ROBO1: variants seen among roughly 807,000 people sequenced by gnomAD.
ROBO1 encodes the protein roundabout guidance receptor 1.
Under a neutral mutation model 195.9 loss-of-function variants are expected in ROBO1, and 149 were observed. The observed-to-expected ratio is 0.76, with a 90% CI of 0.67 to 0.87. ROBO1 has a LOEUF of 0.87. Ranked by LOEUF, ROBO1 falls within the 40% of genes least tolerant of loss-of-function variation. The pLI is 0.00. For missense variants in ROBO1, 1,933 were observed against 2,068.3 expected (o/e 0.93, Z 1.27); for synonymous variants, 816 against 733.2 (o/e 1.11, Z -1.82).
At position 78,668,150 on chromosome 3, in the gene ROBO1, T is replaced by C; in HGVS notation, c.1783A>G (p.Ile595Val). Residue 595 changes from isoleucine to valine, a missense_variant, in exon 13 of 31, where the codon ATT becomes GTT. Physicochemically the swap from Ile to Val is conservative, Grantham distance 29. Coordinates refer to ENST00000464233, the MANE Select transcript of ROBO1 (RefSeq NM_002941.4). ...TCACTCTACCTGAAGGCTTCTATAATATAAGATGTTGGAGTTGCTCCTGAA... is the reference window on the plus strand; with the variant it reads ...TCACTCTACCTGAAGGCTTCTATAACATAAGATGTTGGAGTTGCTCCTGAA... ...LNSGATPTSY[I>V]IEAFSHASGS... 6.2e-7 allele frequency: 1 copy of C among 1,613,698 alleles called. No individual in the cohort carries two copies. The highest frequency in any genetic ancestry group is 1.3e-5 in the African/African-American group (1 of 75,026).
chr3:79,410,232 G>A (rs1459258811), intron 2 of ROBO1, among the ~76,000 whole-genome samples: 3 of 152,000 alleles, frequency 2.0e-5, no homozygotes, highest in Non-Finnish European at 2.9e-5. Context: ...GTATTTTCAC[G>A]TAATGGACAT....
At chr3:78,871,506 G>A (rs1366903636) in intron 4 of ROBO1, among the ~76,000 whole-genome samples, 1 of 152,044 alleles carries the variant, frequency 6.6e-6, no homozygotes, top group Non-Finnish European at 1.5e-5. Flanking sequence ...TGTTGTGTGT[G>A]TGTGTTTTCA....
At chr3:78,969,525 G>A (rs571944033) in intron 3 of ROBO1, among the ~76,000 whole-genome samples, 1 of 152,266 alleles carries the variant, frequency 6.6e-6, no homozygotes, top group Admixed American at 6.5e-5. Context: ...ATTTGAAAAT[G>A]ACTATAATCT....
At chr3:78,964,225 T>C (rs900593545) in intron 3 of ROBO1, among the ~76,000 whole-genome samples, 2 of 152,184 alleles carry the variant, frequency 1.3e-5, no homozygotes, top group Admixed American at 1.3e-4. Flanking sequence ...CCTAATGACC[T>C]CACCTTATCT....
intron 1 of ROBO1, among the ~76,000 whole-genome samples, chr3:79,650,482 T>C (rs1285469988): frequency 6.6e-6 from 1 of 151,764 alleles, no homozygotes; most frequent in African/African-American, 2.4e-5. Context: ...TATTTCAATA[T>C]ATCAAAATTT....
intron 2 of ROBO1, among the ~76,000 whole-genome samples, chr3:79,282,529 A>T (rs1278631153): frequency 6.6e-6 from 1 of 152,242 alleles, no homozygotes; most frequent in Non-Finnish European, 1.5e-5. Context: ...TTTGTAAAAC[A>T]TTGAGAAGGT....
intron 26 of ROBO1, among the ~76,000 whole-genome samples, chr3:78,619,639 C>G (rs1287705313): frequency 6.6e-6 from 1 of 151,872 alleles, no homozygotes; most frequent in African/African-American, 2.4e-5. Context: ...AAAAGCAGAA[C>G]ATGATCACTT....
chr3:79,750,616 A>T (rs1367967904), intron 1 of ROBO1, among the ~76,000 whole-genome samples: 4 of 152,194 alleles, frequency 2.6e-5, no homozygotes, highest in African/African-American at 9.6e-5. Context: ...ACAGTGAATG[A>T]ATCTCCTGAG....
chr3:78,893,529 A>G (rs1239015847), intron 4 of ROBO1, among the ~76,000 whole-genome samples: 1 of 152,218 alleles, frequency 6.6e-6, no homozygotes, highest in Non-Finnish European at 1.5e-5. Context: ...ATTTTATTGT[A>G]GCAGCACAGA....
At chr3:79,703,704 T>C (rs1947687349) in intron 1 of ROBO1, among the ~76,000 whole-genome samples, 1 of 151,972 alleles carries the variant, frequency 6.6e-6, no homozygotes, top group Non-Finnish European at 1.5e-5. Flanking sequence ...CTTTGATAAA[T>C]GAATGTAATG....
chr3:79,193,580 GC>G (rs141876618), intron 2 of ROBO1, among the ~76,000 whole-genome samples: 1 of 94,850 alleles, frequency 1.1e-5, no homozygotes, highest in African/African-American at 4.8e-5. Flanking sequence ...ATGTGGTTTT[GC>G]TTTTTTTTTT....
At position 78,633,930 on chromosome 3, in the gene ROBO1, C is replaced by T; in HGVS notation, c.3481+5G>A. The stretch of plus-strand genomic sequence containing the variant: ...AGGAGAAGTTCTTTGGTTCATCTTA[C>T]TTACCAGATGTACTACTGCCCCGGT... On this transcript the variant is annotated splice_donor_5th_base_variant and intron_variant, in intron 24 of 30. Coordinates refer to ENST00000464233, the MANE Select transcript of ROBO1 (RefSeq NM_002941.4). 1 of 1,584,594 alleles carries T rather than the reference C, an allele frequency of 6.3e-7. No homozygotes were observed. The highest frequency in any genetic ancestry group is 8.6e-7 in the Non-Finnish European group (1 of 1,159,312).
At chr3:78,865,978 T>C (rs561086273) in intron 4 of ROBO1, among the ~76,000 whole-genome samples, 1 of 152,276 alleles carries the variant, frequency 6.6e-6, no homozygotes, top group African/African-American at 2.4e-5. Flanking sequence ...ATAGATCTCC[T>C]AATATCTGTA....
At chr3:79,418,515 C>A (rs993121101) in intron 2 of ROBO1, among the ~76,000 whole-genome samples, 5 of 152,142 alleles carry the variant, frequency 3.3e-5, no homozygotes, top group Non-Finnish European at 7.4e-5. Context: ...AGTAGAACAG[C>A]TATTTTTATA....
intron 2 of ROBO1, among the ~76,000 whole-genome samples, chr3:79,428,615 A>G (rs888042628): frequency 6.6e-6 from 1 of 152,120 alleles, no homozygotes; most frequent in African/African-American, 2.4e-5. Context: ...TAGACTCAGC[A>G]ATTCTGCTCT....
chr3:79,641,629 C>G (rs1945664435), intron 1 of ROBO1, among the ~76,000 whole-genome samples: 1 of 152,098 alleles, frequency 6.6e-6, no homozygotes, highest in African/African-American at 2.4e-5. Flanking sequence ...TGTGAGCCCT[C>G]TGACCAAGAA....
chr3:78,963,078 G>C (rs2107847320), intron 3 of ROBO1, among the ~76,000 whole-genome samples: 1 of 146,828 alleles, frequency 6.8e-6, no homozygotes, highest in East Asian at 2.0e-4. Flanking sequence ...GGATACATGT[G>C]ATCTCATACT....
intron 5 of ROBO1, among the ~76,000 whole-genome samples, chr3:78,726,039 C>G (rs1382349807): frequency 6.6e-6 from 1 of 151,876 alleles, no homozygotes; most frequent in Non-Finnish European, 1.5e-5. Flanking sequence ...TACACAAATT[C>G]TTTTCTGCTT....
intron 2 of ROBO1, among the ~76,000 whole-genome samples, chr3:79,158,480 C>T (rs1317662054): frequency 6.6e-6 from 1 of 150,978 alleles, no homozygotes; most frequent in African/African-American, 2.4e-5. Flanking sequence ...TCCTTTAATA[C>T]TTCTTTTTTT....
Sources: gnomAD v4.1 joint callset for allele counts (sites outside exome capture counted in the v4.1 genomes callset) on GRCh38, gnomAD v4.1.1 for gene constraint, MANE v1.5 for transcripts, NCBI Gene and HGNC (gene_info 2026-07-23, HGNC 2026-07-21) for gene names.